The following KIAA0825 variants were observed in gnomAD, a reference collection of about 807,000 sequenced individuals.
The protein encoded by KIAA0825 is KIAA0825, also known as uncharacterized protein KIAA0825.
KIAA0825 carries 119 observed loss-of-function variants against 147.6 expected under a neutral mutation model. That is an observed-to-expected ratio of 0.81 (90% CI 0.69 to 0.94). KIAA0825 has a LOEUF of 0.94. KIAA0825 is among the 40% of genes least tolerant of loss of function. The pLI, the probability that KIAA0825 is intolerant of heterozygous loss-of-function variation, is 0.00. For synonymous variants in KIAA0825, 470 were observed against 518.1 expected (o/e 0.91, Z 1.26); for missense variants, 1,381 against 1,472.7 (o/e 0.94, Z 1.02).
chr5:94,478,282 C>G (rs1351167327), intron 6 of KIAA0825, among the ~76,000 whole-genome samples: 2 of 152,158 alleles, frequency 1.3e-5, no homozygotes. Context: ...AATAACATCA[C>G]TATTTTGGGA....
At chr5:94,156,953 G>A (rs961671213) in intron 20 of KIAA0825, among the ~76,000 whole-genome samples, 14 of 151,470 alleles carry the variant, frequency 9.2e-5, no homozygotes, top group African/African-American at 3.4e-4. Flanking sequence ...TTTGGGTTTT[G>A]TTAACACAAT....
At chr5:94,577,855 T>C (rs565736845) in intron 2 of KIAA0825, among the ~76,000 whole-genome samples, 14 of 152,374 alleles carry the variant, frequency 9.2e-5, no homozygotes, top group Non-Finnish European at 1.8e-4. Flanking sequence ...TGGACTCACA[T>C]ACTCATTATT....
intron 20 of KIAA0825, among the ~76,000 whole-genome samples, chr5:94,342,538 T>C (rs1267386653): frequency 6.6e-6 from 1 of 152,210 alleles, no homozygotes; most frequent in African/African-American, 2.4e-5. Flanking sequence ...GAGGCTTTGA[T>C]AAGTAAGAAC....
intron 20 of KIAA0825, among the ~76,000 whole-genome samples, chr5:94,244,929 TTGTC>T (rs1402860779): frequency 6.6e-6 from 1 of 152,208 alleles, no homozygotes; most frequent in Non-Finnish European, 1.5e-5. Flanking sequence ...CTTCAAATAA[TTGTC>T]TGAGTAAAGT....
intron 20 of KIAA0825, among the ~76,000 whole-genome samples, chr5:94,223,117 CA>C (rs1773816368): frequency 6.6e-6 from 1 of 152,168 alleles, no homozygotes; most frequent in South Asian, 2.1e-4. Flanking sequence ...CTACCTCTTC[CA>C]AAAAATTACA....
chr5:94,413,847 G>C (rs1753080648), intron 15 of KIAA0825: 2 of 152,216 alleles, frequency 1.3e-5, no homozygotes, highest in South Asian at 4.1e-4. Context: ...GTGACAAAAG[G>C]CTCAGAATAC....
chr5:94,595,425 G>A (rs1304058364), intron 1 of KIAA0825, among the ~76,000 whole-genome samples: 1 of 152,190 alleles, frequency 6.6e-6, no homozygotes, highest in Non-Finnish European at 1.5e-5. Context: ...TTTAGCCACA[G>A]CTGGCATACA....
At chr5:94,586,227 T>C (rs1783259315) in intron 1 of KIAA0825, among the ~76,000 whole-genome samples, 1 of 151,976 alleles carries the variant, frequency 6.6e-6, no homozygotes, top group Non-Finnish European at 1.5e-5. Context: ...TAAAAAACCC[T>C]TCAAAAAAAT....
At chr5:94,457,395 T>A (rs1759249932) in intron 12 of KIAA0825, among the ~76,000 whole-genome samples, 1 of 152,198 alleles carries the variant, frequency 6.6e-6, no homozygotes, top group Admixed American at 6.5e-5. Context: ...TAAAAATAAA[T>A]GTCTATAAGT....
chr5:94,199,259 A>AGTTG (rs764609145), intron 20 of KIAA0825, among the ~76,000 whole-genome samples: 4 of 152,088 alleles, frequency 2.6e-5, no homozygotes, highest in Non-Finnish European at 4.4e-5. Context: ...CTGTAGTATA[A>AGTTG]GTTGGGTTTA....
chr5:94,610,468 A>C (rs1788507840), intron 1 of KIAA0825, among the ~76,000 whole-genome samples: 2 of 149,632 alleles, frequency 1.3e-5, no homozygotes, highest in Admixed American at 1.3e-4. Context: ...GAAAAAAGAA[A>C]AGTCATGACA....
chr5:94,187,444 T>G (rs1015491083), intron 20 of KIAA0825, among the ~76,000 whole-genome samples: 4 of 150,352 alleles, frequency 2.7e-5, no homozygotes, highest in Non-Finnish European at 5.9e-5. Flanking sequence ...TGTTTTGTTT[T>G]GAGATGGAGT....
intron 1 of KIAA0825, among the ~76,000 whole-genome samples, chr5:94,588,039 G>T (rs575420008): frequency 5.9e-5 from 9 of 152,080 alleles, no homozygotes; most frequent in Admixed American, 4.6e-4. Context: ...ACCAAAAATT[G>T]ATTCAAGATG....
At chr5:94,329,944 A>C (rs1584136190) in intron 20 of KIAA0825, among the ~76,000 whole-genome samples, 1 of 152,206 alleles carries the variant, frequency 6.6e-6, no homozygotes, top group South Asian at 2.1e-4. Context: ...CTGCAGACAG[A>C]GTAAGATGAA....
At chr5:94,454,454 T>A (rs976161862) in intron 12 of KIAA0825, among the ~76,000 whole-genome samples, 2 of 152,216 alleles carry the variant, frequency 1.3e-5, no homozygotes, top group Non-Finnish European at 1.5e-5. Flanking sequence ...GACTTGGACA[T>A]TTTTTAGACT....
chr5:94,318,796 A>G (rs1779895889), intron 20 of KIAA0825, among the ~76,000 whole-genome samples: 1 of 151,910 alleles, frequency 6.6e-6, no homozygotes, highest in African/African-American at 2.4e-5. Flanking sequence ...GATCTGCAGG[A>G]AGTTGGAAGA....
At chr5:94,251,541 A>C (rs1775963657) in intron 20 of KIAA0825, among the ~76,000 whole-genome samples, 1 of 152,118 alleles carries the variant, frequency 6.6e-6, no homozygotes, top group African/African-American at 2.4e-5. Context: ...AGGAGGAAAG[A>C]AGCAAACAAC....
intron 20 of KIAA0825, among the ~76,000 whole-genome samples, chr5:94,195,517 G>A (rs1483069658): frequency 6.6e-6 from 1 of 152,002 alleles, no homozygotes; most frequent in Non-Finnish European, 1.5e-5. Context: ...TGGGATAAAA[G>A]GAAAAGCATA....
intron 20 of KIAA0825, among the ~76,000 whole-genome samples, chr5:94,283,680 T>G (rs548856430): frequency 6.6e-6 from 1 of 152,284 alleles, no homozygotes; most frequent in Admixed American, 6.5e-5. Flanking sequence ...TCCCTAATAA[T>G]ATATTTAACT....
Sources: gnomAD v4.1 joint callset for allele counts (sites outside exome capture counted in the v4.1 genomes callset) on GRCh38, gnomAD v4.1.1 for gene constraint, MANE v1.5 for transcripts, NCBI Gene and HGNC (gene_info 2026-07-23, HGNC 2026-07-21) for gene names.